Variants in CSRNP3 observed in about 807,000 individuals in gnomAD.
CSRNP3 encodes the protein cysteine and serine rich nuclear protein 3.
Under a neutral mutation model 48.0 loss-of-function variants are expected in CSRNP3, and 12 were observed. The ratio of observed to expected loss-of-function variants is 0.25; its 90% CI spans 0.16 to 0.41. The LOEUF (loss-of-function observed/expected upper bound fraction) is 0.41. Among genes scored for constraint, CSRNP3 ranks in the 10% least tolerant of loss-of-function variants. The pLI, the probability that CSRNP3 is intolerant of heterozygous loss-of-function variation, is 1.00. For synonymous variants in CSRNP3, 263 were observed against 269.7 expected (o/e 0.98, Z 0.24); for missense variants, 580 against 724.4 (o/e 0.80, Z 2.29).
chr2:165,607,475 C>T (rs1337225226), intron 4 of CSRNP3, among the ~76,000 whole-genome samples: 2 of 152,074 alleles, frequency 1.3e-5, no homozygotes, highest in African/African-American at 4.8e-5. Flanking sequence ...CCATATCTTC[C>T]CCAGGTGTTC....
At chr2:165,501,637 C>T (rs1052968898) in intron 2 of CSRNP3, among the ~76,000 whole-genome samples, 8 of 152,022 alleles carry the variant, frequency 5.3e-5, no homozygotes, top group Non-Finnish European at 7.4e-5. Context: ...ATTTAATTCT[C>T]CTTACTTTAG....
At chr2:165,665,840 C>A in intron 5 of CSRNP3, among the ~76,000 whole-genome samples, 10 of 116,896 alleles carry the variant, frequency 8.6e-5, no homozygotes, top group Admixed American at 2.9e-4. Context: ...AGAAAGGAAG[C>A]AAGGAAGGAA....
At chr2:165,569,504 T>G (rs1685340357) in intron 3 of CSRNP3, among the ~76,000 whole-genome samples, 1 of 152,066 alleles carries the variant, frequency 6.6e-6, no homozygotes, top group Non-Finnish European at 1.5e-5. Flanking sequence ...CTATTTGTCT[T>G]TAGAGAAAAA....
At chr2:165,616,076 G>C (rs1686238146) in intron 4 of CSRNP3, among the ~76,000 whole-genome samples, 1 of 151,910 alleles carries the variant, frequency 6.6e-6, no homozygotes. Context: ...CAGATGAAGT[G>C]AGTTTCTTGT....
chr2:165,629,410 G>A (rs529891682), intron 4 of CSRNP3, among the ~76,000 whole-genome samples: 1 of 152,284 alleles, frequency 6.6e-6, no homozygotes, highest in East Asian at 1.9e-4. Context: ...CATGTCACTC[G>A]CAGTAGCTTT....
At chr2:165,552,598 A>T (rs113025765) in intron 3 of CSRNP3, among the ~76,000 whole-genome samples, 2,400 of 152,238 alleles carry the variant, frequency 0.016, 52 homozygotes, top group African/African-American at 0.041. Flanking sequence ...TTAAACAGTC[A>T]TCCTGAGACC....
intron 3 of CSRNP3, among the ~76,000 whole-genome samples, chr2:165,594,176 C>A (rs1027170684): frequency 6.6e-6 from 1 of 151,680 alleles, no homozygotes; most frequent in Non-Finnish European, 1.5e-5. Flanking sequence ...GGATATTTAA[C>A]CTTTCAGTTA....
chr2:165,642,160 G>A (rs562764333), intron 4 of CSRNP3, among the ~76,000 whole-genome samples: 4 of 148,092 alleles, frequency 2.7e-5, no homozygotes, highest in African/African-American at 9.9e-5. Context: ...TATAATGTAT[G>A]TATTGCCCTA....
intron 4 of CSRNP3, among the ~76,000 whole-genome samples, chr2:165,614,066 T>C (rs1372746588): frequency 2.0e-5 from 3 of 152,148 alleles, no homozygotes; most frequent in Non-Finnish European, 4.4e-5. Flanking sequence ...TCCTCTTCAA[T>C]GTCTTTCATC....
intron 3 of CSRNP3, among the ~76,000 whole-genome samples, chr2:165,530,739 G>T (rs1684799262): frequency 6.6e-6 from 1 of 151,818 alleles, no homozygotes; most frequent in Non-Finnish European, 1.5e-5. Flanking sequence ...TGTTTCTTTA[G>T]ATTTTTAACA....
intron 3 of CSRNP3, among the ~76,000 whole-genome samples, chr2:165,587,409 A>G (rs1383687054): frequency 2.6e-5 from 4 of 152,250 alleles, no homozygotes; most frequent in Non-Finnish European, 5.9e-5. Context: ...TCTCTGGAGT[A>G]GTACCCAGCC....
rs1275665966 is a variant in CSRNP3, at chr2:165,645,599, T to G, written c.149-12162T>G. 2.0e-5 allele frequency among the ~76,000 whole-genome samples: 3 copies of G among 152,332 alleles called. No individual in the cohort carries two copies. The East Asian group carries it at 5.8e-4, about 29-fold the overall frequency. On this transcript the variant is annotated intron_variant, in intron 4 of 6. Transcript: ENST00000651982. ...ATCACAGTTATAGTAAAATTTTCCC[T>G]TTGTTTTTGATATTTGCAACCCTCC...
chr2:165,671,356 G>A (rs569813362), intron 5 of CSRNP3, among the ~76,000 whole-genome samples: 105 of 152,296 alleles, frequency 6.9e-4, no homozygotes, highest in African/African-American at 2.4e-3. Context: ...TAAAGAAAAC[G>A]AGGTTTAATG....
chr2:165,678,602 T>A (rs1687468237), intron 6 of CSRNP3, 99 bp from the exon 7 acceptor site: 3 of 1,403,614 alleles, frequency 2.1e-6, no homozygotes, highest in Admixed American at 4.6e-5. Context: ...TGGAATTAAG[T>A]GGATGGATTA....
intron 4 of CSRNP3, among the ~76,000 whole-genome samples, chr2:165,641,447 G>C (rs1044276695): frequency 2.6e-5 from 4 of 152,144 alleles, no homozygotes; most frequent in Non-Finnish European, 5.9e-5. Flanking sequence ...ACTCTCCCAG[G>C]ATTATTCACA....
At chr2:165,499,949 T>C (rs1373411658) in intron 2 of CSRNP3, among the ~76,000 whole-genome samples, 2 of 151,726 alleles carry the variant, frequency 1.3e-5, no homozygotes, top group African/African-American at 2.4e-5. Flanking sequence ...GTTCTAGACA[T>C]TTGAATAAAA....
chr2:165,493,814 T>C (rs1240057785), intron 1 of CSRNP3, among the ~76,000 whole-genome samples: 5 of 152,106 alleles, frequency 3.3e-5, no homozygotes, highest in African/African-American at 4.8e-5. Flanking sequence ...CTTGGTATCC[T>C]TGTTGCAAAT....
intron 4 of CSRNP3, among the ~76,000 whole-genome samples, chr2:165,631,576 G>T (rs1411179086): frequency 6.6e-6 from 1 of 152,192 alleles, no homozygotes; most frequent in Non-Finnish European, 1.5e-5. Flanking sequence ...GAAAAAGCAT[G>T]ATTTTCTCCA....
chr2:165,512,716 A>G (rs1031922041), intron 2 of CSRNP3, among the ~76,000 whole-genome samples: 2 of 152,252 alleles, frequency 1.3e-5, no homozygotes, highest in African/African-American at 4.8e-5. Flanking sequence ...GTACTTCAAC[A>G]TGTATGTGAA....
Sources: gnomAD v4.1 joint callset for allele counts (sites outside exome capture counted in the v4.1 genomes callset) on GRCh38, gnomAD v4.1.1 for gene constraint, MANE v1.5 for transcripts, NCBI Gene and HGNC (gene_info 2026-07-23, HGNC 2026-07-21) for gene names.